The following RBFOX1 variants were observed in gnomAD, a reference collection of about 807,000 sequenced individuals.
RBFOX1 encodes the protein RNA binding fox-1 homolog 1.
A neutral mutation model predicts 57.7 loss-of-function variants in RBFOX1; 8 were observed. The observed-to-expected ratio is 0.14, with a 90% confidence interval of 0.08 to 0.25. The LOEUF (loss-of-function observed/expected upper bound fraction) is 0.25, where lower values mean the gene tolerates loss of function less well. RBFOX1 is among the 10% of genes least tolerant of loss of function. The probability of loss-of-function intolerance (pLI) is 1.00; values close to 1 mark genes in which losing one functional copy is unlikely to be tolerated. For missense variants in RBFOX1, 611 were observed against 548.5 expected, an observed-to-expected ratio of 1.11 and a Z score of -1.14; for synonymous variants, 326 against 222.4, an observed-to-expected ratio of 1.47 and a Z score of -4.15.
In RBFOX1 at chr16:5,897,370, C is replaced by G. The variant is rs139246940; in HGVS notation, c.351+30035C>G. 2.8e-3 allele frequency among the ~76,000 whole-genome samples: 432 copies of G among 152,288 alleles called. 3 individuals carry two copies. The highest frequency in any genetic ancestry group is 4.5e-3 in the Non-Finnish European group (308 of 68,032). ...TTTTAAACAGAAAAGGCATTCCACTCTGCTTTCTTTTCTCTGCATCTTTAT... is the reference window on the plus strand; with the variant it reads ...TTTTAAACAGAAAAGGCATTCCACTGTGCTTTCTTTTCTCTGCATCTTTAT... On this transcript the variant is annotated intron_variant, in intron 4 of 19. Transcript: ENST00000641259.
At chr16:6,987,456 G>C (rs1256722355) in intron 3 of RBFOX1, among the ~76,000 whole-genome samples, 8 of 135,514 alleles carry the variant, frequency 5.9e-5, no homozygotes, top group Non-Finnish European at 9.7e-5. Flanking sequence ...AAACTTTTCA[G>C]ACACACACAC....
At chr16:7,168,100 A>G (rs1327008225) in intron 4 of RBFOX1, among the ~76,000 whole-genome samples, 2 of 152,238 alleles carry the variant, frequency 1.3e-5, no homozygotes, top group East Asian at 3.8e-4. Flanking sequence ...CTACATTTAA[A>G]AGATTCAAGG....
At chr16:6,112,526 A>C (rs2096457632) in intron 1 of RBFOX1, among the ~76,000 whole-genome samples, 1 of 152,132 alleles carries the variant, frequency 6.6e-6, no homozygotes, top group African/African-American at 2.4e-5. Flanking sequence ...CCCCGTCTCT[A>C]CTAAAAATAC....
At chr16:5,767,633 C>G (rs925645485) in intron 3 of RBFOX1, among the ~76,000 whole-genome samples, 8 of 151,932 alleles carry the variant, frequency 5.3e-5, no homozygotes, top group African/African-American at 1.9e-4. Context: ...CGGGATTTGC[C>G]AGGACATTCT....
In RBFOX1 at chr16:5,455,889, C is replaced by G. The variant is rs554851122; in HGVS notation, c.220-11327C>G. ...CATTAAAATTAGCCTTTGACTATATCCTTCACGTTGGGGTGGCAATTCAGA... is the reference window on the plus strand; with the variant it reads ...CATTAAAATTAGCCTTTGACTATATGCTTCACGTTGGGGTGGCAATTCAGA... On this transcript the variant is annotated intron_variant, in intron 1 of 2. Coordinates refer to the RBFOX1 transcript ENST00000585867. Among the ~76,000 whole-genome samples, 6 of 152,230 alleles carry G rather than the reference C, an allele frequency of 3.9e-5. No homozygotes were observed. The South Asian group carries it at 1.2e-3, about 32-fold the overall frequency.
intron 4 of RBFOX1, among the ~76,000 whole-genome samples, chr16:7,512,039 G>A (rs575595755): frequency 2.7e-4 from 41 of 152,254 alleles, no homozygotes; most frequent in African/African-American, 9.6e-4. Context: ...TCATCAACTA[G>A]GAACACCCAC....
At chr16:7,107,781 C>A (rs957689035) in intron 4 of RBFOX1, among the ~76,000 whole-genome samples, 2 of 152,046 alleles carry the variant, frequency 1.3e-5, no homozygotes, top group Non-Finnish European at 2.9e-5. Flanking sequence ...TAAAAGTATT[C>A]TAATCTTTTT....
intron 4 of RBFOX1, among the ~76,000 whole-genome samples, chr16:7,351,897 A>G (rs2097136383): frequency 1.3e-5 from 2 of 152,282 alleles, no homozygotes; most frequent in South Asian, 2.1e-4. Context: ...TCTGCTGCCA[A>G]GGAGTTTCCA....
chr16:6,921,422 C>A (rs1364708366), intron 3 of RBFOX1, among the ~76,000 whole-genome samples: 1 of 152,064 alleles, frequency 6.6e-6, no homozygotes, highest in African/African-American at 2.4e-5. Flanking sequence ...AATTTATTTC[C>A]TGTGACCGTA....
chr16:6,793,140 A>G (rs1018928256), intron 3 of RBFOX1, among the ~76,000 whole-genome samples: 3 of 152,180 alleles, frequency 2.0e-5, no homozygotes, highest in African/African-American at 7.2e-5. Flanking sequence ...AGATTTGGGT[A>G]TTATTTTTTA....
chr16:5,568,355 C>G (rs550251320), intron 2 of RBFOX1, among the ~76,000 whole-genome samples: 28 of 152,194 alleles, frequency 1.8e-4, no homozygotes, highest in Non-Finnish European at 3.2e-4. Context: ...CGTGATCCTC[C>G]TCTTCCCTCC....
At chr16:6,002,380 G>T (rs192719568) in intron 4 of RBFOX1, among the ~76,000 whole-genome samples, 2 of 152,188 alleles carry the variant, frequency 1.3e-5, no homozygotes, top group Non-Finnish European at 2.9e-5. Context: ...TTTTGACATG[G>T]AGACCCAGAG....
chr16:7,473,620 C>G (rs1169806050), intron 4 of RBFOX1, among the ~76,000 whole-genome samples: 4 of 151,572 alleles, frequency 2.6e-5, no homozygotes, highest in Non-Finnish European at 5.9e-5. Context: ...ACAGGAGCAG[C>G]TCCTCAAACA....
intron 4 of RBFOX1, among the ~76,000 whole-genome samples, chr16:7,372,396 G>A (rs1041440753): frequency 1.3e-5 from 2 of 152,158 alleles, no homozygotes; most frequent in African/African-American, 4.8e-5. Context: ...CTTGGTAATA[G>A]GATTTTGCTT....
intron 3 of RBFOX1, among the ~76,000 whole-genome samples, chr16:5,865,410 T>C (rs1272748644): frequency 1.3e-5 from 2 of 152,174 alleles, no homozygotes; most frequent in East Asian, 3.9e-4. Flanking sequence ...AGTTTCCCCA[T>C]GGCTGGGCCC....
At chr16:5,557,259 CAATAAATA>C (rs201351265) in intron 2 of RBFOX1, among the ~76,000 whole-genome samples, 6,103 of 143,502 alleles carry the variant, frequency 0.043, 459 homozygotes, top group African/African-American at 0.15. Flanking sequence ...GACTCCATCT[CAATAAATA>C]AATAAATAAA....
At chr16:6,298,175 A>G (rs752870663) in intron 1 of RBFOX1, among the ~76,000 whole-genome samples, 4 of 152,156 alleles carry the variant, frequency 2.6e-5, no homozygotes, top group Non-Finnish European at 4.4e-5. Context: ...ACCTCCTGTA[A>G]GGGGTTTGAG....
At chr16:6,658,700 C>G (rs145037507) in intron 3 of RBFOX1, among the ~76,000 whole-genome samples, 31 of 152,218 alleles carry the variant, frequency 2.0e-4, no homozygotes, top group African/African-American at 7.0e-4. Flanking sequence ...CCTTGCCTGG[C>G]TGTTTATGGG....
chr16:6,627,497 C>G lies in RBFOX1; in HGVS notation c.-63-27106C>G, dbSNP rs57113810. The stretch of plus-strand genomic sequence containing the variant: ...GAGGAAGAATATTGGAAACTTGCTC[C>G]CTGAAACAGTCATAACACAGTGGAG... On this transcript the variant is annotated intron_variant, in intron 2 of 15. Transcript: ENST00000550418. Among the ~76,000 whole-genome samples the G allele has an allele frequency of 4.9e-4, 75 of 152,148 alleles. 3 individuals carry two copies. The South Asian group carries it at 9.5e-3, about 19-fold the overall frequency.
Sources: allele counts gnomAD v4.1 joint callset (sites outside exome capture counted in the v4.1 genomes callset), GRCh38; gene constraint gnomAD v4.1.1; transcripts MANE v1.5; gene names NCBI Gene and HGNC (gene_info 2026-07-23, HGNC 2026-07-21).